The following AKAP10 variants were observed in gnomAD, a reference collection of about 807,000 sequenced individuals.
AKAP10 encodes the protein A-kinase anchor protein 10, mitochondrial.
A neutral mutation model predicts 80.8 loss-of-function variants in AKAP10; 24 were observed. That is an observed-to-expected ratio of 0.30 (90% CI 0.22 to 0.42). AKAP10 has a LOEUF of 0.42. Ranked by LOEUF, AKAP10 falls within the 10% of genes least tolerant of loss-of-function variation. The probability of loss-of-function intolerance (pLI) is 1.00; values close to 1 mark genes in which losing one functional copy is unlikely to be tolerated. For missense variants in AKAP10, 661 were observed against 794.9 expected (o/e 0.83, Z 2.03); for synonymous variants, 291 against 277.7 (o/e 1.05, Z -0.48).
chr17:19,931,263 G>C (rs2042929173), intron 10 of AKAP10, among the ~76,000 whole-genome samples: 1 of 152,126 alleles, frequency 6.6e-6, no homozygotes. Context: ...TTTATTAAGA[G>C]AAACAGCCAC....
chr17:19,942,289 T>C (rs2043058449), intron 5 of AKAP10, among the ~76,000 whole-genome samples: 1 of 151,878 alleles, frequency 6.6e-6, no homozygotes, highest in African/African-American at 2.4e-5. Flanking sequence ...GCAAAGGACA[T>C]GACAATCCAC....
rs143695907 is a variant in AKAP10 at position 19,910,369 on chromosome 17, C to G, written c.1835-391G>C. ...CACTATCACCACCACCACCACAATG[C>G]TCTTATTTAAAAGCTGTTGCTTCCA... is the stretch of plus-strand genomic sequence containing the variant. On this transcript the variant is annotated intron_variant, in intron 12 of 14. Transcript: ENST00000225737. Among the ~76,000 whole-genome samples the G allele has an allele frequency of 2.5e-3, 378 of 150,436 alleles. 1 individual carries two copies. The highest frequency in any genetic ancestry group is 8.7e-3 in the African/African-American group (358 of 40,990).
chr17:19,938,167 T>C (rs2043012822), intron 8 of AKAP10, among the ~76,000 whole-genome samples: 2 of 151,956 alleles, frequency 1.3e-5, no homozygotes, highest in Admixed American at 1.3e-4. Context: ...CCTCAAGTGA[T>C]CTGCCTGCCT....
chr17:19,912,142 C>T (rs1040079771), intron 12 of AKAP10, among the ~76,000 whole-genome samples: 4 of 152,036 alleles, frequency 2.6e-5, no homozygotes, highest in East Asian at 1.9e-4. Flanking sequence ...TGGCTGGGCA[C>T]GGTGGCTCAC....
intron 12 of AKAP10, among the ~76,000 whole-genome samples, chr17:19,917,273 A>C (rs552087280): frequency 7.5e-4 from 114 of 152,136 alleles, no homozygotes; most frequent in Admixed American, 1.6e-3. Context: ...TCAGGAAAAA[A>C]AAACAAAACA....
chr17:19,913,642 G>T (rs2042715161), intron 12 of AKAP10, among the ~76,000 whole-genome samples: 1 of 152,222 alleles, frequency 6.6e-6, no homozygotes, highest in African/African-American at 2.4e-5. Flanking sequence ...CATCATCTAA[G>T]AATTGCATTA....
At position 19,968,418 on chromosome 17, in the gene AKAP10, A is replaced by G. The variant is rs540548127; in HGVS notation, c.132T>C (p.Ile44=). The change falls in exon 2 of 15, where the codon ATT becomes ATC. Residue 44 remains isoleucine, a synonymous_variant. Transcript: ENST00000225737. The part of the protein sequence containing the change: ...EQEKTSDVKS[I]KASISVHSPQ... Reference sequence around the variant, plus strand: ...ACTGCCAAGGGCAGAACTTACCTTTAATGGACTTCACATCTGAGGTCTTCT... The same window carrying G: ...ACTGCCAAGGGCAGAACTTACCTTTGATGGACTTCACATCTGAGGTCTTCT... The G allele has an allele frequency of 6.2e-7, 1 of 1,613,440 alleles. No individual in the cohort carries two copies. Among genetic ancestry groups the G allele is most frequent in the East Asian group, 2.2e-5 (1 of 44,850 alleles).
rs774523049 is a variant in AKAP10 at position 19,931,883 on chromosome 17, G to A, written c.1563C>T (p.Asn521=). ...SVRGDEFLGG[N]VSLTAPGSVG... ...CAGAGCCAGGAGCAGTCAGCGACACGTTCCCGCCCAGAAATTCATCTCCTC... is the reference window on the plus strand; with the variant it reads ...CAGAGCCAGGAGCAGTCAGCGACACATTCCCGCCCAGAAATTCATCTCCTC... Residue 521 remains asparagine (N), a synonymous_variant, in exon 10 of 15, where the codon AAC becomes AAT. Coordinates refer to ENST00000225737, the MANE Select transcript of AKAP10 (RefSeq NM_007202.4). The A allele has an allele frequency of 2.2e-5, 36 of 1,614,072 alleles. No individual in the cohort carries two copies. Among genetic ancestry groups the A allele is most frequent in the East Asian group, 2.0e-4 (9 of 44,874 alleles).
intron 10 of AKAP10, among the ~76,000 whole-genome samples, chr17:19,927,873 G>A (rs2042891495): frequency 2.0e-5 from 3 of 151,326 alleles, no homozygotes; most frequent in Admixed American, 2.0e-4. Flanking sequence ...TTGTGCCATT[G>A]CACTCCAGCC....
chr17:19,972,735 G>A (rs974263980), intron 1 of AKAP10, among the ~76,000 whole-genome samples: 19 of 152,124 alleles, frequency 1.2e-4, no homozygotes, highest in African/African-American at 4.1e-4. Flanking sequence ...TATTACAGGC[G>A]TGAGCCACCG....
At chr17:19,941,709 A>T (rs1302558899) in intron 6 of AKAP10, 117 bp downstream of exon 6, 2 of 640,164 alleles carry the variant, frequency 3.1e-6, no homozygotes, top group African/African-American at 3.8e-5. Context: ...TGATCTTGTA[A>T]ATATCCAAAA....
At chr17:19,918,924 TA>T (rs1258982181) in intron 12 of AKAP10, among the ~76,000 whole-genome samples, 11 of 152,198 alleles carry the variant, frequency 7.2e-5, no homozygotes, top group South Asian at 2.1e-4. Context: ...CACATATATT[TA>T]TTTTTTTTAA....
intron 1 of AKAP10, among the ~76,000 whole-genome samples, chr17:19,975,859 C>G (rs755372983): frequency 1.2e-4 from 19 of 152,024 alleles, no homozygotes; most frequent in Non-Finnish European, 2.5e-4. Context: ...TGTTTTCCCC[C>G]CTTAAAAAAA....
At chr17:19,965,240 A>T (rs918546457) in intron 2 of AKAP10, among the ~76,000 whole-genome samples, 1 of 152,188 alleles carries the variant, frequency 6.6e-6, no homozygotes, top group Non-Finnish European at 1.5e-5. Context: ...ATTCTTTTTC[A>T]CTGTTATCTG....
intron 5 of AKAP10, 54 bp downstream of exon 5, chr17:19,947,353 G>C: frequency 7.3e-7 from 1 of 1,371,208 alleles, no homozygotes; most frequent in Non-Finnish European, 1.0e-6. Context: ...AAAATTGTCA[G>C]TTCTGTGCAT....
intron 4 of AKAP10, among the ~76,000 whole-genome samples, chr17:19,951,991 A>C (rs1385824850): frequency 6.6e-6 from 1 of 150,968 alleles, no homozygotes; most frequent in Non-Finnish European, 1.5e-5. Context: ...GGTAATCTAA[A>C]TCCAAAGATA....
intron 5 of AKAP10, among the ~76,000 whole-genome samples, chr17:19,945,896 GAATA>G (rs931818589): frequency 2.0e-5 from 3 of 151,702 alleles, no homozygotes; most frequent in African/African-American, 4.8e-5. Context: ...TTTATTGAAT[GAATA>G]AATAACCTCT....
chr17:19,946,428 C>A (rs1444611359), intron 5 of AKAP10, among the ~76,000 whole-genome samples: 1 of 146,024 alleles, frequency 6.8e-6, no homozygotes, highest in Admixed American at 7.0e-5. Flanking sequence ...TGAGCTGTTA[C>A]CCTGGACAAA....
intron 10 of AKAP10, among the ~76,000 whole-genome samples, chr17:19,926,490 T>C (rs1597496298): frequency 6.6e-6 from 1 of 152,068 alleles, no homozygotes; most frequent in Non-Finnish European, 1.5e-5. Flanking sequence ...ACTATCTCTA[T>C]CCATAAATGA....
Sources: gnomAD v4.1 joint callset for allele counts (sites outside exome capture counted in the v4.1 genomes callset) on GRCh38, gnomAD v4.1.1 for gene constraint, MANE v1.5 for transcripts, NCBI Gene and HGNC (gene_info 2026-07-23, HGNC 2026-07-21) for gene names.